Variants in MACROD2 observed in about 807,000 individuals in gnomAD.
MACROD2 encodes the protein ADP-ribose glycohydrolase MACROD2.
MACROD2 carries 36 observed loss-of-function variants against 70.4 expected under a neutral mutation model. That is an observed-to-expected ratio of 0.51 (90% CI 0.39 to 0.68). MACROD2 has a LOEUF of 0.68. MACROD2 is among the 30% of genes least tolerant of loss of function. The pLI is 0.00. For synonymous variants in MACROD2, 172 were observed against 178.8 expected, an observed-to-expected ratio of 0.96 and a Z score of 0.30; for missense variants, 496 against 538.4, an observed-to-expected ratio of 0.92 and a Z score of 0.78.
intron 7 of MACROD2, among the ~76,000 whole-genome samples, chr20:15,457,251 C>T (rs1045232835): frequency 6.6e-6 from 1 of 151,864 alleles, no homozygotes; most frequent in Non-Finnish European, 1.5e-5. Flanking sequence ...GATTTCCTGC[C>T]TTGACTATTC....
At chr20:14,033,335 C>T (rs1348619887) in intron 2 of MACROD2, among the ~76,000 whole-genome samples, 2 of 151,976 alleles carry the variant, frequency 1.3e-5, no homozygotes, top group African/African-American at 4.8e-5. Flanking sequence ...GTTACAGTTA[C>T]AATAGTTTCT....
intron 3 of MACROD2, among the ~76,000 whole-genome samples, chr20:14,270,087 CTGTT>C (rs1388144733): frequency 6.6e-6 from 1 of 151,972 alleles, no homozygotes; most frequent in East Asian, 1.9e-4. Context: ...TTGGTATTGT[CTGTT>C]TTTTTAGAGA....
chr20:14,471,336 C>G (rs537361432), intron 3 of MACROD2, among the ~76,000 whole-genome samples: 85 of 152,334 alleles, frequency 5.6e-4, no homozygotes, highest in South Asian at 3.3e-3. Flanking sequence ...ATTGATCTCA[C>G]TGGGAGATGT....
intron 7 of MACROD2, among the ~76,000 whole-genome samples, chr20:15,466,426 G>T (rs1178358073): frequency 6.6e-6 from 1 of 152,196 alleles, no homozygotes; most frequent in Non-Finnish European, 1.5e-5. Context: ...GCTGGTAAAA[G>T]AACACAAGAT....
At chr20:14,026,642 T>A (rs1451134188) in intron 2 of MACROD2, among the ~76,000 whole-genome samples, 1 of 152,208 alleles carries the variant, frequency 6.6e-6, no homozygotes, top group Admixed American at 6.5e-5. Context: ...GGTTGAAAAT[T>A]CTTTTCTTTA....
intron 7 of MACROD2, among the ~76,000 whole-genome samples, chr20:15,475,656 C>T (rs1600466193): frequency 6.6e-6 from 1 of 152,380 alleles, no homozygotes; most frequent in East Asian, 1.9e-4. Flanking sequence ...CCGCCTGCCA[C>T]ACACGTGCCA....
intron 3 of MACROD2, among the ~76,000 whole-genome samples, chr20:14,160,874 T>C (rs1186248511): frequency 6.6e-6 from 1 of 152,278 alleles, no homozygotes; most frequent in South Asian, 2.1e-4. Flanking sequence ...AGGGTATGTG[T>C]GCAGGTTTCT....
chr20:15,140,929 A>G (rs2076187190), intron 5 of MACROD2, among the ~76,000 whole-genome samples: 1 of 152,230 alleles, frequency 6.6e-6, no homozygotes, highest in Non-Finnish European at 1.5e-5. Context: ...TAGTCGCAGT[A>G]TGCACCATAC....
chr20:14,229,984 C>T (rs910532624), intron 3 of MACROD2, among the ~76,000 whole-genome samples: 2 of 152,176 alleles, frequency 1.3e-5, no homozygotes, highest in African/African-American at 4.8e-5. Flanking sequence ...TTATACTATA[C>T]TTTAGTCTAT....
At chr20:15,929,696 A>G (rs1446362483) in intron 10 of MACROD2, among the ~76,000 whole-genome samples, 1 of 152,214 alleles carries the variant, frequency 6.6e-6, no homozygotes, top group African/African-American at 2.4e-5. Flanking sequence ...AAGGAACTAC[A>G]AATATCAGGA....
chr20:15,699,896 C>G (rs572722961), intron 8 of MACROD2, among the ~76,000 whole-genome samples: 2 of 152,268 alleles, frequency 1.3e-5, no homozygotes, highest in African/African-American at 4.8e-5. Context: ...CAGGAATGGG[C>G]TGCTTGGGGA....
intron 4 of MACROD2, among the ~76,000 whole-genome samples, chr20:14,614,343 C>G (rs1047453225): frequency 2.0e-5 from 3 of 152,106 alleles, no homozygotes; most frequent in African/African-American, 7.2e-5. Flanking sequence ...CAGTGGTTCT[C>G]CACGTTGGTG....
intron 7 of MACROD2, among the ~76,000 whole-genome samples, chr20:15,483,742 A>G (rs922040430): frequency 5.3e-5 from 8 of 149,758 alleles, no homozygotes; most frequent in Non-Finnish European, 1.2e-4. Context: ...TTTTTTTTTT[A>G]TCAGTTTTGG....
intron 5 of MACROD2, among the ~76,000 whole-genome samples, chr20:14,852,461 A>C (rs1456824938): frequency 6.6e-6 from 1 of 152,132 alleles, no homozygotes; most frequent in East Asian, 1.9e-4. Context: ...AAAGTTGATC[A>C]CTGTTTCAAG....
intron 8 of MACROD2, among the ~76,000 whole-genome samples, chr20:15,616,722 C>T (rs2049044608): frequency 6.6e-6 from 1 of 152,178 alleles, no homozygotes. Flanking sequence ...TACCATCCCT[C>T]GTGCTAGTAA....
intron 3 of MACROD2, among the ~76,000 whole-genome samples, chr20:14,173,485 C>T (rs368241086): frequency 2.0e-5 from 3 of 151,982 alleles, no homozygotes; most frequent in African/African-American, 7.2e-5. Flanking sequence ...TTTATTTATG[C>T]TATCTATTGC....
At chr20:15,853,159 A>G (rs2064318910) in intron 8 of MACROD2, among the ~76,000 whole-genome samples, 1 of 152,156 alleles carries the variant, frequency 6.6e-6, no homozygotes, top group Non-Finnish European at 1.5e-5. Flanking sequence ...GTGAACACTG[A>G]TTTTATTTCC....
intron 5 of MACROD2, among the ~76,000 whole-genome samples, chr20:14,728,963 A>G (rs2071561475): frequency 6.6e-6 from 1 of 152,168 alleles, no homozygotes; most frequent in Non-Finnish European, 1.5e-5. Context: ...CATTTAGGTT[A>G]TATATTTAAC....
chr20:14,258,502 A>G (rs886987233), intron 3 of MACROD2, among the ~76,000 whole-genome samples: 46 of 152,000 alleles, frequency 3.0e-4, no homozygotes, highest in Admixed American at 3.0e-3. Flanking sequence ...TTTTTTGGCT[A>G]TTTGTATATC....
Sources: gnomAD v4.1 joint callset for allele counts (sites outside exome capture counted in the v4.1 genomes callset) on GRCh38, gnomAD v4.1.1 for gene constraint, MANE v1.5 for transcripts, NCBI Gene and HGNC (gene_info 2026-07-23, HGNC 2026-07-21) for gene names.